Variants in CRACD observed in about 807,000 individuals in gnomAD.
CRACD encodes capping protein-inhibiting regulator of actin dynamics.
CRACD carries 56 observed loss-of-function variants against 106.8 expected under a neutral mutation model. The ratio of observed to expected loss-of-function variants is 0.52; its 90% confidence interval spans 0.42 to 0.66. The LOEUF is 0.66. Ranked by LOEUF, CRACD falls within the 30% of genes least tolerant of loss-of-function variation. The pLI is 0.00. For missense variants in CRACD, 1,730 were observed against 1,623.2 expected, an observed-to-expected ratio of 1.07 and a Z score of -1.13; for synonymous variants, 754 against 670.8, an observed-to-expected ratio of 1.12 and a Z score of -1.92.
chr4:56,111,940 C>T lies in CRACD; in HGVS notation c.-336+62641C>T, dbSNP rs73817337. 2.7e-3 allele frequency among the ~76,000 whole-genome samples: 406 copies of T among 152,298 alleles called. 2 individuals carry two copies. The highest frequency in any genetic ancestry group is 9.1e-3 in the African/African-American group (378 of 41,564). On this transcript the variant is annotated intron_variant, in intron 1 of 10. Coordinates refer to ENST00000682029, the MANE Select transcript of CRACD (RefSeq NM_001393381.1). ...AGAAGGATGTATAGTAGAGGAAGCA[C>T]GACCATGCATACATTACAGTTTGCC...
In CRACD at chr4:56,104,899, G is replaced by A. The variant is rs1036554564; in HGVS notation, c.-336+55600G>A. On this transcript the variant is annotated intron_variant, in intron 1 of 10. Coordinates refer to ENST00000682029, the MANE Select transcript of CRACD (RefSeq NM_001393381.1). ...GGAGAATGGCGTGAACCTGGGAGGC[G>A]GAACTTGCAATGAGCTGAGTTGGCG... Among the ~76,000 whole-genome samples, 47 of 150,878 alleles carry A rather than the reference G, an allele frequency of 3.1e-4. 1 individual carries two copies. Among genetic ancestry groups the A allele is most frequent in the Non-Finnish European group, 8.8e-5 (6 of 67,820 alleles).
chr4:56,238,789 C>T lies in CRACD; in HGVS notation c.-188-33532C>T, dbSNP rs530604905. ...GATGGTATTTCATTTTGTAAATTTA[C>T]TTTTTTGGTTGCTACTGATGTTGAA... On this transcript the variant is annotated intron_variant, in intron 2 of 10. Transcript: ENST00000682029. 5.9e-5 allele frequency among the ~76,000 whole-genome samples: 9 copies of T among 152,102 alleles called. No homozygotes were observed. The South Asian group carries it at 1.5e-3, about 25-fold the overall frequency.
At chr4:56,147,148 T>C (rs1163728445) in intron 1 of CRACD, among the ~76,000 whole-genome samples, 3 of 152,064 alleles carry the variant, frequency 2.0e-5, no homozygotes, top group Non-Finnish European at 2.9e-5. Context: ...CAGCTGGCCC[T>C]CTCTGCCTGG....
intron 1 of CRACD, among the ~76,000 whole-genome samples, chr4:56,157,471 G>A (rs1735801597): frequency 6.6e-6 from 1 of 152,136 alleles, no homozygotes; most frequent in Admixed American, 6.6e-5. Flanking sequence ...GAATGGATGA[G>A]GGTCTACACT....
intron 3 of CRACD, among the ~76,000 whole-genome samples, chr4:56,296,242 A>G (rs1457710031): frequency 6.6e-6 from 1 of 152,056 alleles, no homozygotes; most frequent in East Asian, 1.9e-4. Flanking sequence ...GGATGTCTTT[A>G]TATAAGTTAT....
At chr4:56,104,654 T>C (rs1179321628) in intron 1 of CRACD, among the ~76,000 whole-genome samples, 1 of 152,180 alleles carries the variant, frequency 6.6e-6, no homozygotes, top group Non-Finnish European at 1.5e-5. Context: ...AAAGCAGGGA[T>C]GCTGGACAGA....
intron 2 of CRACD, among the ~76,000 whole-genome samples, chr4:56,203,306 G>C (rs1737967358): frequency 6.6e-6 from 1 of 152,196 alleles, no homozygotes; most frequent in Admixed American, 6.5e-5. Context: ...TGGAGCACTT[G>C]TGCTATTTTG....
At chr4:56,264,130 T>C (rs1015843068) in intron 2 of CRACD, among the ~76,000 whole-genome samples, 6 of 151,930 alleles carry the variant, frequency 3.9e-5, no homozygotes, top group Non-Finnish European at 7.4e-5. Flanking sequence ...CTACACACTT[T>C]TAAACAACCA....
chr4:56,095,466 A>G (rs1030237488), intron 1 of CRACD, among the ~76,000 whole-genome samples: 15 of 152,210 alleles, frequency 9.9e-5, no homozygotes, highest in African/African-American at 3.4e-4. Context: ...GGGAGGCCTC[A>G]TTCAGAAGGT....
At chr4:56,155,376 C>A (rs1735734045) in intron 1 of CRACD, among the ~76,000 whole-genome samples, 1 of 152,134 alleles carries the variant, frequency 6.6e-6, no homozygotes, top group Admixed American at 6.6e-5. Context: ...GTAAATAATT[C>A]TCTTGTAGGA....
chr4:56,225,877 T>C (rs1282381262), intron 2 of CRACD, among the ~76,000 whole-genome samples: 1 of 152,246 alleles, frequency 6.6e-6, no homozygotes. Context: ...AGTCTCCATT[T>C]TTAGGTAGAA....
intron 1 of CRACD, among the ~76,000 whole-genome samples, chr4:56,112,588 C>T (rs1024531581): frequency 1.3e-4 from 20 of 152,178 alleles, no homozygotes; most frequent in African/African-American, 4.6e-4. Context: ...CCATTCAGTT[C>T]ATCCCTCGGC....
At chr4:56,151,855 G>T (rs890161861) in intron 1 of CRACD, among the ~76,000 whole-genome samples, 4 of 151,946 alleles carry the variant, frequency 2.6e-5, no homozygotes, top group Non-Finnish European at 5.9e-5. Flanking sequence ...TGCAAGTTAG[G>T]TATTTTCCCA....
chr4:56,263,947 C>T (rs1409841023), intron 2 of CRACD, among the ~76,000 whole-genome samples: 1 of 152,108 alleles, frequency 6.6e-6, no homozygotes, highest in Non-Finnish European at 1.5e-5. Context: ...AAAGACATAC[C>T]TGAGACTGGG....
chr4:56,307,562 G>C lies in CRACD; in HGVS notation c.148G>C (p.Gly50Arg). Residue 50 changes from glycine (G) to arginine (R), a missense_variant, in exon 5 of 11, where the codon GGG becomes CGG. Physicochemically the swap from Gly to Arg is moderately radical, Grantham distance 125. Transcript: ENST00000682029. The part of the protein sequence containing the change: ...QQQLGKNIKF[G>R]QRSPNAIPMN... ...ACAGTTGGGCAAGAATATCAAGTTT[G>C]GGCAGCGGTCACCCAATGCCATTCC... is the stretch of plus-strand genomic sequence containing the variant. 1 of 1,614,142 alleles carries C rather than the reference G, an allele frequency of 6.2e-7. No homozygotes were observed. The highest frequency in any genetic ancestry group is 1.1e-5 in the South Asian group (1 of 91,066).
intron 1 of CRACD, among the ~76,000 whole-genome samples, chr4:56,081,837 G>A (rs1335328520): frequency 1.3e-5 from 2 of 152,024 alleles, no homozygotes; most frequent in African/African-American, 4.8e-5. Flanking sequence ...TTAGCCAGAT[G>A]TAGTGGTGCA....
intron 1 of CRACD, among the ~76,000 whole-genome samples, chr4:56,142,043 T>C (rs903354817): frequency 1.3e-5 from 2 of 152,092 alleles, no homozygotes; most frequent in Non-Finnish European, 2.9e-5. Flanking sequence ...TAGGTGTTCA[T>C]TGAAGAAAAA....
At chr4:56,208,131 A>T (rs902823446) in intron 2 of CRACD, among the ~76,000 whole-genome samples, 1 of 151,950 alleles carries the variant, frequency 6.6e-6, no homozygotes, top group Non-Finnish European at 1.5e-5. Flanking sequence ...GTCTTGATTC[A>T]TGATCTTTGG....
chr4:56,223,420 G>T (rs529634845), intron 2 of CRACD, among the ~76,000 whole-genome samples: 1 of 152,252 alleles, frequency 6.6e-6, no homozygotes, highest in East Asian at 1.9e-4. Flanking sequence ...TATGTGGTGT[G>T]TTCTTCCATC....
Sources: allele counts gnomAD v4.1 joint callset (sites outside exome capture counted in the v4.1 genomes callset), GRCh38; gene constraint gnomAD v4.1.1; transcripts MANE v1.5; gene names NCBI Gene and HGNC (gene_info 2026-07-23, HGNC 2026-07-21).